Variants in CBFA2T2 observed in about 807,000 individuals in gnomAD.
CBFA2T2 encodes CBFA2/RUNX1 partner transcriptional co-repressor 2, also known as protein CBFA2T2.
In CBFA2T2, 11 loss-of-function variants were observed where a neutral mutation model predicts 62.2. That is an observed-to-expected ratio of 0.18 (90% CI 0.11 to 0.29). The LOEUF (loss-of-function observed/expected upper bound fraction) is 0.29, where lower values mean the gene tolerates loss of function less well. Ranked by LOEUF, CBFA2T2 falls within the 10% of genes least tolerant of loss-of-function variation. CBFA2T2 has a pLI of 1.00. For synonymous variants in CBFA2T2, 295 were observed against 287.5 expected, an observed-to-expected ratio of 1.03 and a Z score of -0.27; for missense variants, 592 against 774.1, an observed-to-expected ratio of 0.76 and a Z score of 2.79.
chr20:33,609,502 T>TA (rs1404416325), intron 2 of CBFA2T2, among the ~76,000 whole-genome samples: 33 of 147,220 alleles, frequency 2.2e-4, no homozygotes, highest in Middle Eastern at 3.4e-3. Context: ...ACTCGGTCTC[T>TA]AAAAAAAAAA....
At chr20:33,554,600 C>CTTTTTTTT (rs752877501) in intron 1 of CBFA2T2, among the ~76,000 whole-genome samples, 37 of 56,260 alleles carry the variant, frequency 6.6e-4, no homozygotes, top group Non-Finnish European at 8.3e-4. Context: ...TTTTTCTTTT[C>CTTTTTTTT]TTTTTTTTTT....
intron 5 of CBFA2T2, among the ~76,000 whole-genome samples, chr20:33,624,359 T>G (rs1465763337): frequency 1.3e-5 from 2 of 151,626 alleles, no homozygotes; most frequent in Admixed American, 6.6e-5. Flanking sequence ...AAGACACAAT[T>G]GGATTTGTTA....
intron 1 of CBFA2T2, among the ~76,000 whole-genome samples, chr20:33,575,379 T>C (rs2146907312): frequency 6.6e-6 from 1 of 152,326 alleles, no homozygotes; most frequent in South Asian, 2.1e-4. Flanking sequence ...CCCAACCTCT[T>C]TTCACATCAT....
At chr20:33,495,991 CTT>C in intron 1 of CBFA2T2, among the ~76,000 whole-genome samples, 1 of 152,206 alleles carries the variant, frequency 6.6e-6, no homozygotes, top group African/African-American at 2.4e-5. Flanking sequence ...TACCATCTGA[CTT>C]AGGGTCTCAG....
chr20:33,490,121 G>A lies in CBFA2T2; in HGVS notation c.-147G>A. Reference sequence around the variant, plus strand: ...GGCGGCGGCGGCGACGGCGACAGCAGCGGTGGTGGTGTCTGGTTAGCTCGG... The same window carrying A: ...GGCGGCGGCGGCGACGGCGACAGCAACGGTGGTGGTGTCTGGTTAGCTCGG... On this transcript the variant is annotated 5_prime_UTR_variant, in exon 1 of 11. Coordinates refer to ENST00000342704, the MANE Select transcript of CBFA2T2 (RefSeq NM_001032999.3). The A allele has an allele frequency of 2.5e-6, 2 of 787,024 alleles. No homozygotes were observed. Among genetic ancestry groups the A allele is most frequent in the Non-Finnish European group, 3.3e-6 (2 of 605,014 alleles). 48.8% of individuals were successfully genotyped at this position (787,024 alleles called of 1,614,324 possible).
intron 1 of CBFA2T2, among the ~76,000 whole-genome samples, chr20:33,590,335 G>T (rs2014564678): frequency 6.6e-6 from 1 of 151,786 alleles, no homozygotes; most frequent in Admixed American, 6.6e-5. Context: ...AAACCCTAAG[G>T]TAATTTTTTT....
intron 1 of CBFA2T2, among the ~76,000 whole-genome samples, chr20:33,506,807 G>A (rs993702435): frequency 6.6e-6 from 1 of 152,188 alleles, no homozygotes; most frequent in African/African-American, 2.4e-5. Flanking sequence ...CTTAGCTGCA[G>A]CTGTGGAGAG....
At chr20:33,624,236 TAAAA>T (rs373462820) in intron 5 of CBFA2T2, among the ~76,000 whole-genome samples, 60 of 70,030 alleles carry the variant, frequency 8.6e-4, no homozygotes, top group Non-Finnish European at 1.7e-3. Flanking sequence ...TTTTTAAAAG[TAAAA>T]AAAAAAAAAA....
intron 3 of CBFA2T2, among the ~76,000 whole-genome samples, chr20:33,618,976 G>C (rs2015820489): frequency 2.6e-5 from 4 of 152,178 alleles, no homozygotes; most frequent in Admixed American, 1.3e-4. Context: ...GGTGGTGAAG[G>C]GAATCAAGGA....
intron 1 of CBFA2T2, among the ~76,000 whole-genome samples, chr20:33,597,350 A>G (rs1437707990): frequency 6.6e-6 from 1 of 152,202 alleles, no homozygotes; most frequent in African/African-American, 2.4e-5. Flanking sequence ...CTAAGATTCA[A>G]TTTAGGAAAA....
chr20:33,509,340 C>G (rs530240784), intron 1 of CBFA2T2, among the ~76,000 whole-genome samples: 4 of 151,900 alleles, frequency 2.6e-5, no homozygotes, highest in Non-Finnish European at 5.9e-5. Flanking sequence ...GCACTCCAGC[C>G]TAGGCGACAC....
At chr20:33,626,073 G>A (rs2016213161) in intron 6 of CBFA2T2, among the ~76,000 whole-genome samples, 1 of 152,072 alleles carries the variant, frequency 6.6e-6, no homozygotes, top group South Asian at 2.1e-4. Flanking sequence ...CAGCACTCCA[G>A]CCTGGGCAAC....
intron 1 of CBFA2T2, among the ~76,000 whole-genome samples, chr20:33,520,623 T>G (rs2011702338): frequency 6.6e-6 from 1 of 151,912 alleles, no homozygotes; most frequent in African/African-American, 2.4e-5. Flanking sequence ...ATGCAAAAAT[T>G]AGCTGGGTGT....
At chr20:33,514,870 AATT>A (rs926403788) in intron 1 of CBFA2T2, among the ~76,000 whole-genome samples, 3 of 150,838 alleles carry the variant, frequency 2.0e-5, no homozygotes, top group African/African-American at 7.3e-5. Context: ...CTGATTTTTT[AATT>A]ATTAGAGATG....
At chr20:33,622,999 A>T (rs1484043241) in intron 4 of CBFA2T2, 116 bp from the exon 5 acceptor site, 1 of 885,810 alleles carries the variant, frequency 1.1e-6, no homozygotes, top group African/African-American at 1.7e-5. Flanking sequence ...TGAAAATCAG[A>T]CTGCCAAGGA....
intron 1 of CBFA2T2, among the ~76,000 whole-genome samples, chr20:33,542,052 A>T (rs1262103581): frequency 6.6e-6 from 1 of 152,080 alleles, no homozygotes; most frequent in Non-Finnish European, 1.5e-5. Context: ...CAGTTTTCTC[A>T]AACTTTAGTG....
chr20:33,580,097 G>A (rs552499107), intron 1 of CBFA2T2, among the ~76,000 whole-genome samples: 16 of 152,086 alleles, frequency 1.1e-4, no homozygotes, highest in Non-Finnish European at 2.4e-4. Context: ...GATTATGGGT[G>A]TGAGCCACTG....
At chr20:33,525,807 A>G (rs542795356) in intron 1 of CBFA2T2, among the ~76,000 whole-genome samples, 1 of 152,100 alleles carries the variant, frequency 6.6e-6, no homozygotes, top group Non-Finnish European at 1.5e-5. Flanking sequence ...ACATGCCACC[A>G]TGCCTGTGAC....
rs576387641 is a variant in CBFA2T2 at position 33,627,290 on chromosome 20, G to C, written c.947-1060G>C. The stretch of plus-strand genomic sequence containing the variant: ...CAGGCACCTGTAGTCCCAGCTACTT[G>C]GGAGGCTGAGGCAGGAGTAGGGCGT... On this transcript the variant is annotated intron_variant, in intron 6 of 10. Transcript: ENST00000342704. 2.6e-5 allele frequency among the ~76,000 whole-genome samples: 4 copies of C among 152,154 alleles called. No homozygotes were observed. In the East Asian group the frequency reaches 7.7e-4, roughly 29 times the overall value.
Sources: gnomAD v4.1 joint callset for allele counts (sites outside exome capture counted in the v4.1 genomes callset) on GRCh38, gnomAD v4.1.1 for gene constraint, MANE v1.5 for transcripts, NCBI Gene and HGNC (gene_info 2026-07-23, HGNC 2026-07-21) for gene names.